DNAJB14: variants seen among roughly 807,000 people sequenced by gnomAD.
The protein encoded by DNAJB14 is dnaJ homolog subfamily B member 14.
In DNAJB14, 22 loss-of-function variants were observed where a neutral mutation model predicts 48.4. The observed-to-expected ratio is 0.45, with a 90% CI of 0.32 to 0.65. The LOEUF (loss-of-function observed/expected upper bound fraction) is 0.65, where lower values mean the gene tolerates loss of function less well. DNAJB14 is among the 30% of genes least tolerant of loss of function. The pLI is 0.03. For missense variants in DNAJB14, 319 were observed against 458.8 expected (o/e 0.70, Z 2.78); for synonymous variants, 142 against 158.7 (o/e 0.89, Z 0.79).
chr4:99,945,236 C>A (rs1395223915), intron 1 of DNAJB14, among the ~76,000 whole-genome samples: 1 of 152,124 alleles, frequency 6.6e-6, no homozygotes, highest in Non-Finnish European at 1.5e-5. Context: ...ATTATTAACT[C>A]TTTTCTTTCA....
intron 4 of DNAJB14, among the ~76,000 whole-genome samples, chr4:99,908,014 G>A (rs539583486): frequency 6.6e-6 from 1 of 152,106 alleles, no homozygotes; most frequent in Non-Finnish European, 1.5e-5. Flanking sequence ...CAATTAGCCT[G>A]CGGTAAAATT....
intron 5 of DNAJB14, among the ~76,000 whole-genome samples, 180 bp downstream of exon 5, chr4:99,906,337 C>T (rs1398189356): frequency 1.3e-5 from 2 of 152,074 alleles, no homozygotes; most frequent in Non-Finnish European, 2.9e-5. Context: ...TCCAACCACC[C>T]CTGGCTGACC....
intron 7 of DNAJB14, among the ~76,000 whole-genome samples, chr4:99,903,373 G>GC (rs1725361072): frequency 6.6e-6 from 1 of 151,464 alleles, no homozygotes; most frequent in Non-Finnish European, 1.5e-5. Flanking sequence ...AAAACAGTAT[G>GC]CATCTTAAAA....
intron 3 of DNAJB14, among the ~76,000 whole-genome samples, chr4:99,913,915 A>G (rs904523049): frequency 2.6e-5 from 4 of 152,142 alleles, no homozygotes; most frequent in Non-Finnish European, 4.4e-5. Context: ...TTATGGTTCT[A>G]TAGGCTGAAA....
At chr4:99,934,527 A>G (rs1317819746) in intron 1 of DNAJB14, among the ~76,000 whole-genome samples, 1 of 151,980 alleles carries the variant, frequency 6.6e-6, no homozygotes, top group South Asian at 2.1e-4. Context: ...GATGCAGTGG[A>G]TCACATCTGT....
chr4:99,919,162 C>T (rs889542186), intron 3 of DNAJB14, among the ~76,000 whole-genome samples: 21 of 152,114 alleles, frequency 1.4e-4, no homozygotes, highest in Admixed American at 6.5e-4. Context: ...TTCTGTCTTT[C>T]TAGGCTATCC....
intron 1 of DNAJB14, among the ~76,000 whole-genome samples, chr4:99,946,049 G>A (rs902197861): frequency 6.6e-6 from 1 of 152,220 alleles, no homozygotes; most frequent in Non-Finnish European, 1.5e-5. Context: ...TTCGATAGGG[G>A]CCTAGGCCTT....
intron 1 of DNAJB14, among the ~76,000 whole-genome samples, chr4:99,944,400 AAAT>A (rs1553949281): frequency 6.6e-6 from 1 of 152,190 alleles, no homozygotes; most frequent in Non-Finnish European, 1.5e-5. Context: ...TTGGTATCCA[AAAT>A]AATTGAAAGC....
rs1460676390 is a variant in DNAJB14, at chr4:99,896,563, A to G, written c.*4465T>C. The G allele has an allele frequency of 2.0e-5, 3 of 152,208 alleles. No homozygotes were observed. 9.4% of individuals were successfully genotyped at this position (152,208 alleles called of 1,614,324 possible). A position where few individuals can be genotyped will look rare whatever the true frequency, so the allele number is the denominator to read the frequency against. On this transcript the variant is annotated 3_prime_UTR_variant, in exon 8 of 8. Coordinates refer to ENST00000442697, the MANE Select transcript of DNAJB14 (RefSeq NM_001031723.4). ...TTACCTGCAGCTTTTAAAAACACAT[A>G]AAGTAAATGGAAAGAAAGTCTTATG...
chr4:99,916,525 T>G (rs1725860491), intron 3 of DNAJB14, among the ~76,000 whole-genome samples: 1 of 152,216 alleles, frequency 6.6e-6, no homozygotes, highest in African/African-American at 2.4e-5. Flanking sequence ...TACTGATAAG[T>G]TAGGGTTTAA....
chr4:99,927,072 TAA>T (rs1211241321), intron 2 of DNAJB14: 5 of 152,202 alleles, frequency 3.3e-5, no homozygotes, highest in Non-Finnish European at 5.9e-5. Context: ...TGCTGCTTTC[TAA>T]AAGAGTAAAA....
Position 99,946,585 on chromosome 4 carries a change from T to C in DNAJB14, c.-14A>G, listed in dbSNP as rs1727089328. ...GTTCCCCTCCATAGCTTGCTCCTTC[T>C]TCCGTTTCCTCCGGCAGCGCAGCTA... On this transcript the variant is annotated 5_prime_UTR_variant, in exon 1 of 8. Coordinates refer to ENST00000442697, the MANE Select transcript of DNAJB14 (RefSeq NM_001031723.4). The C allele has an allele frequency of 1.2e-6, 2 of 1,611,988 alleles. No homozygotes were observed.
rs556097348 is a variant in DNAJB14, at chr4:99,898,087, C to G, written c.*2941G>C. On this transcript the variant is annotated 3_prime_UTR_variant, in exon 8 of 8. Transcript: ENST00000442697. ...GAAGGGAAATCAAAAACTTATTTTT[C>G]TCAGTAACTACTTTACATACTAGTG... is the stretch of plus-strand genomic sequence containing the variant. The G allele has an allele frequency of 1.1e-4, 17 of 152,066 alleles. No individual in the cohort carries two copies. The highest frequency in any genetic ancestry group is 1.1e-3 in the Admixed American group (17 of 15,286). The allele number at this position is 152,066 out of a possible 1,614,324, so 9.4% of individuals were successfully genotyped here. A position where few individuals can be genotyped will look rare whatever the true frequency, so the allele number is the denominator to read the frequency against.
At position 99,946,396 on chromosome 4, in the gene DNAJB14, G is replaced by A. The variant is rs377333797; in HGVS notation, c.133+43C>T. On this transcript the variant is annotated intron_variant, in intron 1 of 7. Transcript: ENST00000442697. ...GGGGGCAGGGGCGGGCTACGCGGTG[G>A]TCTGGGGATTGGGCAGGAAGAGAAG... 2.1e-5 allele frequency: 33 copies of A among 1,577,030 alleles called. No individual in the cohort carries two copies. The East Asian group carries it at 2.1e-4, about 10-fold the overall frequency.
chr4:99,927,363 A>G (rs1726294805), intron 2 of DNAJB14: 1 of 152,198 alleles, frequency 6.6e-6, no homozygotes, highest in Non-Finnish European at 1.5e-5. Context: ...GGAAACATTT[A>G]TTTATTCCTG....
chr4:99,920,032 A>C (rs183320635), intron 3 of DNAJB14, among the ~76,000 whole-genome samples: 1 of 152,314 alleles, frequency 6.6e-6, no homozygotes, highest in Admixed American at 6.5e-5. Context: ...ATTTAAATAT[A>C]GTTGGTCTTC....
At chr4:99,924,717 T>C (rs1374892147) in intron 2 of DNAJB14, 1 of 1,608,722 alleles carries the variant, frequency 6.2e-7, no homozygotes, top group Non-Finnish European at 8.5e-7. Context: ...AGAAGCTATG[T>C]GATAGAAAAA....
intron 4 of DNAJB14, 94 bp from the exon 5 acceptor site, chr4:99,906,705 A>T: frequency 9.7e-7 from 1 of 1,035,214 alleles, no homozygotes; most frequent in Non-Finnish European, 1.4e-6. Flanking sequence ...TTAAAAAATT[A>T]CTAAAATAAT....
chr4:99,906,436 A>G (rs1337152042), intron 5 of DNAJB14, 81 bp downstream of exon 5: 8 of 1,332,274 alleles, frequency 6.0e-6, no homozygotes, highest in African/African-American at 1.5e-5. Context: ...TCCTACAACT[A>G]CTTGCCCTCT....
Sources: gnomAD v4.1 joint callset for allele counts (sites outside exome capture counted in the v4.1 genomes callset) on GRCh38, gnomAD v4.1.1 for gene constraint, MANE v1.5 for transcripts, NCBI Gene and HGNC (gene_info 2026-07-23, HGNC 2026-07-21) for gene names.